PHACTR1: variants seen among roughly 807,000 people sequenced by gnomAD.
PHACTR1 encodes the protein RPEL repeat containing 1.
PHACTR1 carries 16 observed loss-of-function variants against 69.2 expected under a neutral mutation model. That is an observed-to-expected ratio of 0.23 (90% CI 0.16 to 0.35). PHACTR1 has a LOEUF of 0.35. PHACTR1 is among the 10% of genes least tolerant of loss of function. PHACTR1 has a pLI of 1.00. For synonymous variants in PHACTR1, 312 were observed against 284.5 expected, an observed-to-expected ratio of 1.10 and a Z score of -0.97; for missense variants, 510 against 734.7, an observed-to-expected ratio of 0.69 and a Z score of 3.54.
chr6:13,037,503 T>A (rs1266342996), intron 4 of PHACTR1, among the ~76,000 whole-genome samples: 1 of 152,156 alleles, frequency 6.6e-6, no homozygotes, highest in Non-Finnish European at 1.5e-5. Context: ...CAGAGGAAAC[T>A]AGCATGCATC....
chr6:12,927,681 A>C (rs1788416576), intron 4 of PHACTR1, among the ~76,000 whole-genome samples: 1 of 152,182 alleles, frequency 6.6e-6, no homozygotes, highest in Admixed American at 6.5e-5. Context: ...GCATGCATAC[A>C]CCAAAAAAGA....
At chr6:12,905,826 A>G (rs919911047) in intron 4 of PHACTR1, among the ~76,000 whole-genome samples, 10 of 152,226 alleles carry the variant, frequency 6.6e-5, no homozygotes, top group Non-Finnish European at 1.3e-4. Flanking sequence ...TTAGGATAGT[A>G]GGGGCTTAGA....
intron 4 of PHACTR1, among the ~76,000 whole-genome samples, chr6:12,840,806 A>C (rs1052213128): frequency 1.3e-5 from 2 of 152,184 alleles, no homozygotes; most frequent in Non-Finnish European, 2.9e-5. Flanking sequence ...TTTTTGTTCA[A>C]ATTTCCAGGG....
chr6:13,128,098 G>A (rs1414117402), intron 5 of PHACTR1, among the ~76,000 whole-genome samples: 1 of 149,556 alleles, frequency 6.7e-6, no homozygotes, highest in African/African-American at 2.5e-5. Flanking sequence ...AGCAGCATGG[G>A]GGTAATTATG....
intron 4 of PHACTR1, among the ~76,000 whole-genome samples, chr6:12,960,766 G>A (rs183928622): frequency 6.8e-4 from 103 of 152,190 alleles, no homozygotes; most frequent in Admixed American, 1.4e-3. Context: ...GCTTTTACCC[G>A]ACTTGGAAAA....
intron 4 of PHACTR1, among the ~76,000 whole-genome samples, chr6:12,980,707 C>G (rs1406463014): frequency 1.3e-5 from 2 of 152,076 alleles, no homozygotes; most frequent in Non-Finnish European, 2.9e-5. Flanking sequence ...TGTCCTAAGT[C>G]TTAGATAACT....
intron 8 of PHACTR1, among the ~76,000 whole-genome samples, chr6:13,213,607 A>G (rs1358250293): frequency 2.6e-5 from 4 of 152,236 alleles, no homozygotes; most frequent in Admixed American, 2.6e-4. Context: ...CTTAGTATTA[A>G]CAAGTGGGGC....
At chr6:13,196,968 T>C (rs1764525283) in intron 7 of PHACTR1, among the ~76,000 whole-genome samples, 1 of 152,250 alleles carries the variant, frequency 6.6e-6, no homozygotes, top group South Asian at 2.1e-4. Context: ...TTTTGGCTTC[T>C]ACCTTCCCAC....
intron 5 of PHACTR1, among the ~76,000 whole-genome samples, chr6:13,124,954 T>C (rs531405050): frequency 6.6e-6 from 1 of 152,338 alleles, no homozygotes; most frequent in African/African-American, 2.4e-5. Flanking sequence ...ACCCAAATCT[T>C]GAGATTCAAA....
intron 7 of PHACTR1, among the ~76,000 whole-genome samples, chr6:13,182,972 AT>A (rs1047335896): frequency 2.6e-5 from 4 of 152,046 alleles, no homozygotes; most frequent in Admixed American, 6.6e-5. Context: ...AAATATTATT[AT>A]TTTGTTTTTT....
At chr6:13,042,133 C>G (rs971552178) in intron 4 of PHACTR1, among the ~76,000 whole-genome samples, 1 of 152,100 alleles carries the variant, frequency 6.6e-6, no homozygotes, top group African/African-American at 2.4e-5. Flanking sequence ...AATTGTAATT[C>G]GATTCTTTGA....
intron 4 of PHACTR1, among the ~76,000 whole-genome samples, chr6:12,943,509 ATT>A (rs1192128364): frequency 6.6e-6 from 1 of 152,214 alleles, no homozygotes; most frequent in Non-Finnish European, 1.5e-5. Context: ...ACAATAGTGA[ATT>A]TTACATATGT....
chr6:12,769,962 T>C (rs114246856), intron 4 of PHACTR1, among the ~76,000 whole-genome samples: 2,155 of 152,344 alleles, frequency 0.014, 20 homozygotes, highest in Middle Eastern at 0.054. Flanking sequence ...ACTTGGTGGG[T>C]AAATCATTTA....
At chr6:12,913,329 A>G (rs567170640) in intron 4 of PHACTR1, among the ~76,000 whole-genome samples, 100 of 152,254 alleles carry the variant, frequency 6.6e-4, no homozygotes, top group African/African-American at 2.3e-3. Context: ...CCTTCACTCA[A>G]ATTTTAGCAC....
chr6:13,084,921 C>T (rs1291323891), intron 5 of PHACTR1, among the ~76,000 whole-genome samples: 1 of 151,958 alleles, frequency 6.6e-6, no homozygotes, highest in Non-Finnish European at 1.5e-5. Flanking sequence ...AAAACTTTAT[C>T]ATTCTAATAG....
At chr6:12,724,139 C>G (rs1285874051) in intron 3 of PHACTR1, among the ~76,000 whole-genome samples, 1 of 151,980 alleles carries the variant, frequency 6.6e-6, no homozygotes, top group African/African-American at 2.4e-5. Flanking sequence ...ACCAATCTAG[C>G]CAACATGGTG....
intron 4 of PHACTR1, among the ~76,000 whole-genome samples, chr6:12,911,710 C>CCAG (rs1412176551): frequency 6.6e-6 from 1 of 152,088 alleles, no homozygotes; most frequent in Non-Finnish European, 1.5e-5. Context: ...CAGCTGAAAA[C>CCAG]CAGCAGCCTT....
At chr6:12,719,686 A>G (rs1279082081) in intron 3 of PHACTR1, among the ~76,000 whole-genome samples, 1 of 152,250 alleles carries the variant, frequency 6.6e-6, no homozygotes, top group Non-Finnish European at 1.5e-5. Flanking sequence ...AGAGCTGAGA[A>G]GATAATGCAG....
At chr6:13,019,343 T>C (rs1800649466) in intron 4 of PHACTR1, among the ~76,000 whole-genome samples, 1 of 152,206 alleles carries the variant, frequency 6.6e-6, no homozygotes, top group Admixed American at 6.5e-5. Context: ...TAAAGCAAAT[T>C]TGAGTGAGTT....
Sources: allele counts gnomAD v4.1 joint callset (sites outside exome capture counted in the v4.1 genomes callset), GRCh38; gene constraint gnomAD v4.1.1; transcripts MANE v1.5; gene names NCBI Gene and HGNC (gene_info 2026-07-23, HGNC 2026-07-21).